CYYR1: variants seen among roughly 807,000 people sequenced by gnomAD.
CYYR1 encodes the protein cysteine and tyrosine-rich protein 1.
A neutral mutation model predicts 15.2 loss-of-function variants in CYYR1; 14 were observed. The ratio of observed to expected loss-of-function variants is 0.92; its 90% CI spans 0.61 to 1.44. The LOEUF (loss-of-function observed/expected upper bound fraction) is 1.44, where lower values mean the gene tolerates loss of function less well. Among genes scored for constraint, CYYR1 ranks in the 40% most tolerant of loss-of-function variants. The probability of loss-of-function intolerance (pLI) is 0.00; values close to 1 mark genes in which losing one functional copy is unlikely to be tolerated. For synonymous variants in CYYR1, 80 were observed against 77.4 expected (o/e 1.03, Z -0.18); for missense variants, 228 against 209.5 (o/e 1.09, Z -0.54).
intron 2 of CYYR1, among the ~76,000 whole-genome samples, chr21:26,496,012 A>G (rs575774311): frequency 1.3e-5 from 2 of 152,318 alleles, no homozygotes; most frequent in East Asian, 3.9e-4. Context: ...TTGAGGGCCA[A>G]ACCCATTTTG....
At chr21:26,499,657 A>G (rs1835671474) in intron 2 of CYYR1, among the ~76,000 whole-genome samples, 1 of 152,156 alleles carries the variant, frequency 6.6e-6, no homozygotes, top group Non-Finnish European at 1.5e-5. Context: ...GAAGCTGGAA[A>G]TGAGGTTGGA....
intron 2 of CYYR1, among the ~76,000 whole-genome samples, chr21:26,542,006 T>C (rs1348812719): frequency 6.6e-6 from 1 of 152,090 alleles, no homozygotes; most frequent in East Asian, 1.9e-4. Context: ...ACAGAAAAGA[T>C]AACAGTAAAC....
chr21:26,573,022 A>C lies in CYYR1; in HGVS notation c.-82T>G. On this transcript the variant is annotated 5_prime_UTR_variant, in exon 1 of 4. Transcript: ENST00000652641. Reference sequence around the variant, plus strand: ...GGGAGGATGGAGGGCGATCAGATGGAGAGAGCAGCGCTCCTGAGAGCCGGG... The same window carrying C: ...GGGAGGATGGAGGGCGATCAGATGGCGAGAGCAGCGCTCCTGAGAGCCGGG... 6.2e-7 allele frequency: 1 copy of C among 1,608,602 alleles called. No individual in the cohort carries two copies. Among genetic ancestry groups the C allele is most frequent in the Non-Finnish European group, 8.5e-7 (1 of 1,177,600 alleles).
In CYYR1 at chr21:26,467,053, G is replaced by A. The variant is rs1227769719; in HGVS notation, c.*1448C>T. 2 of 152,054 alleles carry A rather than the reference G, an allele frequency of 1.3e-5. No homozygotes were observed. The highest frequency in any genetic ancestry group is 1.9e-4 in the East Asian group (1 of 5,176). 9.4% of individuals were successfully genotyped at this position (152,054 alleles called of 1,614,324 possible). ...GGTACTATAACTTACACCTTAAAAT[G>A]CTTTGTTTGATTGTTTCATTCAGCA... On this transcript the variant is annotated 3_prime_UTR_variant, in exon 4 of 4. Transcript: ENST00000652641.
chr21:26,568,363 A>G (rs980989575), intron 1 of CYYR1: 7 of 152,216 alleles, frequency 4.6e-5, no homozygotes, highest in Non-Finnish European at 7.3e-5. Context: ...GCAATGGGGA[A>G]AGGACTCCCT....
chr21:26,537,524 T>G (rs1458439357), intron 2 of CYYR1, among the ~76,000 whole-genome samples: 7 of 152,158 alleles, frequency 4.6e-5, no homozygotes, highest in African/African-American at 1.7e-4. Context: ...ACTCAGTGAT[T>G]CTGGCTGGCA....
intron 2 of CYYR1, among the ~76,000 whole-genome samples, chr21:26,526,093 T>A (rs910178748): frequency 1.3e-5 from 2 of 152,094 alleles, no homozygotes; most frequent in Non-Finnish European, 2.9e-5. Flanking sequence ...GGAAATAATC[T>A]GTACAACAAA....
intron 2 of CYYR1, among the ~76,000 whole-genome samples, chr21:26,553,365 G>T (rs1316498237): frequency 1.3e-5 from 2 of 152,026 alleles, no homozygotes; most frequent in African/African-American, 2.4e-5. Context: ...TCTTAGATCT[G>T]TAATTTATTT....
chr21:26,494,555 A>G (rs927333544), intron 2 of CYYR1, among the ~76,000 whole-genome samples: 2 of 152,164 alleles, frequency 1.3e-5, no homozygotes, highest in African/African-American at 4.8e-5. Flanking sequence ...ATTTGGAAAG[A>G]TATACTTTTG....
intron 2 of CYYR1, chr21:26,482,604 G>A (rs1263773794): frequency 7.2e-6 from 5 of 694,126 alleles, no homozygotes; most frequent in Non-Finnish European, 7.1e-6. Flanking sequence ...CGACTCAAAG[G>A]AAAGTAGATT....
At chr21:26,532,424 CT>C (rs2065943725) in intron 2 of CYYR1, among the ~76,000 whole-genome samples, 1 of 152,122 alleles carries the variant, frequency 6.6e-6, no homozygotes, top group South Asian at 2.1e-4. Context: ...GCAGATGACG[CT>C]GGAGGAAACA....
intron 2 of CYYR1, among the ~76,000 whole-genome samples, chr21:26,545,151 TATATA>T (rs754105913): frequency 3.0e-4 from 45 of 152,140 alleles, no homozygotes; most frequent in Admixed American, 3.3e-4. Flanking sequence ...TTATTGAAAT[TATATA>T]ATATATTTTA....
intron 1 of CYYR1, among the ~76,000 whole-genome samples, chr21:26,570,677 G>A (rs1470625565): frequency 6.6e-6 from 1 of 152,188 alleles, no homozygotes; most frequent in Non-Finnish European, 1.5e-5. Flanking sequence ...TATGAGCAGT[G>A]CATCTACTTA....
At chr21:26,523,123 C>CA (rs937791463) in intron 2 of CYYR1, among the ~76,000 whole-genome samples, 1 of 151,992 alleles carries the variant, frequency 6.6e-6, no homozygotes, top group African/African-American at 2.4e-5. Flanking sequence ...AGGAAGCTGC[C>CA]AAAAAAAGGC....
At chr21:26,511,685 G>A (rs910181299) in intron 2 of CYYR1, among the ~76,000 whole-genome samples, 2 of 152,152 alleles carry the variant, frequency 1.3e-5, no homozygotes, top group South Asian at 4.1e-4. Context: ...AGGCTTCTTT[G>A]TTTTATTTCT....
At chr21:26,479,158 A>G (rs2065139869) in intron 3 of CYYR1, among the ~76,000 whole-genome samples, 1 of 152,016 alleles carries the variant, frequency 6.6e-6, no homozygotes, top group Non-Finnish European at 1.5e-5. Context: ...GTGTAGATAC[A>G]ATATGGAAGA....
chr21:26,482,140 C>G, intron 2 of CYYR1: 1 of 372,488 alleles, frequency 2.7e-6, no homozygotes, highest in Non-Finnish European at 3.7e-6. Context: ...GCAGATCTCT[C>G]AGACAAGATT....
chr21:26,559,335 T>C (rs1252289204), intron 2 of CYYR1, among the ~76,000 whole-genome samples: 1 of 152,182 alleles, frequency 6.6e-6, no homozygotes, highest in Non-Finnish European at 1.5e-5. Context: ...CTGTGAATCA[T>C]ATGAATTGCA....
intron 2 of CYYR1, among the ~76,000 whole-genome samples, chr21:26,494,127 T>C (rs2065362775): frequency 6.6e-6 from 1 of 152,196 alleles, no homozygotes; most frequent in Admixed American, 6.5e-5. Flanking sequence ...AGCTCCCTAG[T>C]ACCACAACTA....
Sources: gnomAD v4.1 joint callset for allele counts (sites outside exome capture counted in the v4.1 genomes callset) on GRCh38, gnomAD v4.1.1 for gene constraint, MANE v1.5 for transcripts, NCBI Gene and HGNC (gene_info 2026-07-23, HGNC 2026-07-21) for gene names.